The following C8B variants were observed in gnomAD, a reference collection of about 807,000 sequenced individuals.
C8B encodes complement C8 beta chain, also known as complement component C8 beta chain.
Under a neutral mutation model 64.6 loss-of-function variants are expected in C8B, and 67 were observed. The observed-to-expected ratio is 1.04, with a 90% CI of 0.85 to 1.27. The LOEUF is 1.27. Ranked by LOEUF, C8B falls within the 50% of genes most tolerant of loss-of-function variation. The pLI is 0.00. For missense variants in C8B, 790 were observed against 725.2 expected (o/e 1.09, Z -1.03); for synonymous variants, 284 against 257.7 (o/e 1.10, Z -0.98).
rs1645078976 is a variant in C8B at position 56,954,815 on chromosome 1, T to C, written c.404A>G (p.Asn135Ser). 6.2e-7 allele frequency: 1 copy of C among 1,614,108 alleles called. No individual in the cohort carries two copies. Among genetic ancestry groups the C allele is most frequent in the Middle Eastern group, 1.6e-4 (1 of 6,062 alleles). The change falls in exon 4 of 12, where the codon AAC becomes AGC. Residue 135 changes from asparagine (N) to serine (S), a missense_variant. By Grantham distance (46) the Asn-to-Ser change is conservative (BLOSUM62 1). Transcript: ENST00000371237. ...GTCCCCATTGCAAAGAAGTCTGCGG[T>C]TTACACACCTTCCTAGAATGGAGAA... ...FVCAQTGRCV[N>S]RRLLCNGDND...
intron 2 of C8B, among the ~76,000 whole-genome samples, chr1:56,958,103 G>T (rs1645128036): frequency 6.6e-6 from 1 of 152,052 alleles, no homozygotes; most frequent in African/African-American, 2.4e-5. Context: ...TAGGAGAGTG[G>T]CCAGAGTGGG....
In C8B at chr1:56,935,348, C is replaced by T. The variant is rs79715183; in HGVS notation, c.1399-1860G>A. On this transcript the variant is annotated intron_variant, in intron 9 of 11. Transcript: ENST00000371237. The stretch of plus-strand genomic sequence containing the variant: ...GATTTGCTGCTCATTTTTTTCCTGT[C>T]TTTTTTGTTCTCTCCTTTTGCTCCT... 0.011 allele frequency among the ~76,000 whole-genome samples: 1,618 copies of T among 152,132 alleles called. 68 individuals carry two copies. In the East Asian group the frequency reaches 0.14, roughly 13 times the overall value.
intron 2 of C8B, chr1:56,959,385 A>C: frequency 1.6e-6 from 1 of 632,104 alleles, no homozygotes; most frequent in South Asian, 1.9e-5. Flanking sequence ...GAGCTATCGA[A>C]GCTCATAAAA....
At chr1:56,952,638 C>T (rs907785509) in intron 4 of C8B, among the ~76,000 whole-genome samples, 3 of 152,160 alleles carry the variant, frequency 2.0e-5, no homozygotes, top group Non-Finnish European at 4.4e-5. Context: ...AGTTGCCTTG[C>T]GAGAGTTGGG....
chr1:56,949,921 A>G (rs661449), intron 5 of C8B, among the ~76,000 whole-genome samples, 169 bp from the exon 6 acceptor site: 103,143 of 151,998 alleles, frequency 0.68, 35,330 homozygotes, highest in South Asian at 0.76. Flanking sequence ...CTCTTGGTTC[A>G]GTAGCAGAGA....
chr1:56,965,217 G>A (rs944112285), intron 1 of C8B, among the ~76,000 whole-genome samples: 1 of 152,184 alleles, frequency 6.6e-6, no homozygotes, highest in Non-Finnish European at 1.5e-5. Context: ...TGCACACGGA[G>A]CATCCCCACA....
chr1:56,955,285 C>T (rs1263990123), intron 3 of C8B, among the ~76,000 whole-genome samples: 4 of 152,168 alleles, frequency 2.6e-5, no homozygotes, highest in Admixed American at 6.5e-5. Flanking sequence ...GTTATCAGTA[C>T]TATTCGTGTT....
chr1:56,957,097 T>A (rs1460261293), intron 2 of C8B, among the ~76,000 whole-genome samples, 187 bp from the exon 3 acceptor site: 1 of 152,194 alleles, frequency 6.6e-6, no homozygotes, highest in African/African-American at 2.4e-5. Context: ...ATGTTGTGAT[T>A]TGCTGTTTGC....
intron 6 of C8B, among the ~76,000 whole-genome samples, chr1:56,948,249 G>T (rs1644971765): frequency 6.6e-6 from 1 of 152,120 alleles, no homozygotes; most frequent in Non-Finnish European, 1.5e-5. Flanking sequence ...GGGAAAGCTA[G>T]GAGACAAACT....
intron 1 of C8B, among the ~76,000 whole-genome samples, chr1:56,964,836 CA>C (rs1364656569): frequency 6.6e-6 from 1 of 152,178 alleles, no homozygotes; most frequent in Non-Finnish European, 1.5e-5. Context: ...ATTCCGGAGA[CA>C]TTTTCTTGGG....
At chr1:56,962,862 T>G (rs1169869950) in intron 1 of C8B, among the ~76,000 whole-genome samples, 1 of 152,212 alleles carries the variant, frequency 6.6e-6, no homozygotes, top group Non-Finnish European at 1.5e-5. Flanking sequence ...TTATTCATAC[T>G]TACACATATG....
intron 2 of C8B, among the ~76,000 whole-genome samples, chr1:56,958,360 T>G (rs1645130905): frequency 6.6e-6 from 1 of 152,174 alleles, no homozygotes; most frequent in Non-Finnish European, 1.5e-5. Flanking sequence ...TTATGGCATC[T>G]ATACTTTGGC....
chr1:56,948,585 C>T (rs934511748), intron 6 of C8B, among the ~76,000 whole-genome samples: 1 of 152,112 alleles, frequency 6.6e-6, no homozygotes, highest in East Asian at 1.9e-4. Context: ...AGGCTCATAG[C>T]TTGTCCCTGT....
At chr1:56,942,628 C>T (rs755538001) in intron 8 of C8B, among the ~76,000 whole-genome samples, 4 of 152,056 alleles carry the variant, frequency 2.6e-5, no homozygotes, top group Non-Finnish European at 5.9e-5. Context: ...CCCTTGAACC[C>T]GGGAGGCGGA....
At chr1:56,937,097 G>A (rs530881984) in intron 9 of C8B, among the ~76,000 whole-genome samples, 1 of 152,142 alleles carries the variant, frequency 6.6e-6, no homozygotes, top group Non-Finnish European at 1.5e-5. Flanking sequence ...AAATATTTCA[G>A]CTTCTTTTCC....
chr1:56,962,779 GGT>G (rs1449638567), intron 1 of C8B, among the ~76,000 whole-genome samples: 1 of 152,116 alleles, frequency 6.6e-6, no homozygotes, highest in Admixed American at 6.5e-5. Context: ...CCATGAATTT[GGT>G]GTGTTTCCTT....
intron 1 of C8B, among the ~76,000 whole-genome samples, chr1:56,962,456 G>A (rs1266882611): frequency 2.0e-5 from 3 of 152,168 alleles, no homozygotes; most frequent in Admixed American, 6.5e-5. Context: ...CAGGGCCTCT[G>A]TGTGTGGGAA....
Position 56,931,874 on chromosome 1 carries a change from T to A in C8B, c.1557A>T (p.Ser519=). 1 of 1,611,838 alleles carries A rather than the reference T, an allele frequency of 6.2e-7. No homozygotes were observed. Among genetic ancestry groups the A allele is most frequent in the East Asian group, 2.2e-5 (1 of 44,840 alleles). Residue 519 remains serine (S), a synonymous_variant, in exon 11 of 12, where the codon TCA becomes TCT. Coordinates refer to ENST00000371237, the MANE Select transcript of C8B (RefSeq NM_000066.4). ...CAACAGGACAGATGCAGTCACAGCG[T>A]GATCCTGAGAAGACAAGGCAGAGAA... ...QGNGVPVLKG[S]RCDCICPVGS...
intron 9 of C8B, among the ~76,000 whole-genome samples, chr1:56,940,222 T>A (rs1366174379): frequency 6.6e-6 from 1 of 152,144 alleles, no homozygotes; most frequent in Admixed American, 6.5e-5. Context: ...ATTTAATTGA[T>A]TAAATTTAAT....
Sources: gnomAD v4.1 joint callset for allele counts (sites outside exome capture counted in the v4.1 genomes callset) on GRCh38, gnomAD v4.1.1 for gene constraint, MANE v1.5 for transcripts, NCBI Gene and HGNC (gene_info 2026-07-23, HGNC 2026-07-21) for gene names.